The following NT5DC3 variants were observed in gnomAD, a reference collection of about 807,000 sequenced individuals.
The protein encoded by NT5DC3 is 5'-nucleotidase domain-containing protein 3.
A neutral mutation model predicts 67.8 loss-of-function variants in NT5DC3; 42 were observed. The observed-to-expected ratio is 0.62, with a 90% CI of 0.48 to 0.80. The LOEUF is 0.80. Among genes scored for constraint, NT5DC3 ranks in the 30% least tolerant of loss-of-function variants. The pLI is 0.00. For synonymous variants in NT5DC3, 237 were observed against 255.6 expected, an observed-to-expected ratio of 0.93 and a Z score of 0.69; for missense variants, 570 against 696.4, an observed-to-expected ratio of 0.82 and a Z score of 2.04.
At chr12:103,771,511 T>C (rs1198181507), downstream of NT5DC3, among the ~76,000 whole-genome samples, 2 of 151,702 alleles carry the variant, frequency 1.3e-5, no homozygotes, top group East Asian at 3.9e-4. Context: ...ATGCAGGGGG[T>C]CTAACATGCC....
At chr12:103,784,727 G>C (rs1593385502) in intron 12 of NT5DC3, among the ~76,000 whole-genome samples, 2 of 152,188 alleles carry the variant, frequency 1.3e-5, no homozygotes, top group East Asian at 3.9e-4. Flanking sequence ...AAGAGAGGCA[G>C]CTTCCATGGG....
At chr12:103,830,779 T>G (rs896106057) in intron 1 of NT5DC3, among the ~76,000 whole-genome samples, 1 of 152,212 alleles carries the variant, frequency 6.6e-6, no homozygotes, top group African/African-American at 2.4e-5. Flanking sequence ...ATTTTCCATT[T>G]CATCTCTTAT....
rs1256890384 is a variant in NT5DC3 at position 103,773,846 on chromosome 12, T to C, written c.*3983A>G. 5 of 152,676 alleles carry C rather than the reference T, an allele frequency of 3.3e-5. No homozygotes were observed. Among genetic ancestry groups the C allele is most frequent in the Non-Finnish European group, 7.3e-5 (5 of 68,048 alleles). The allele number at this position is 152,676 out of a possible 1,614,324, so 9.5% of individuals were successfully genotyped here. A position where few individuals can be genotyped will look rare whatever the true frequency, so the allele number is the denominator to read the frequency against. On this transcript the variant is annotated 3_prime_UTR_variant, in exon 14 of 14. Coordinates refer to ENST00000392876, the MANE Select transcript of NT5DC3 (RefSeq NM_001031701.3). The stretch of plus-strand genomic sequence containing the variant: ...TTAACTAGGACCACAAGACTACTTT[T>C]CAATTCTCCTTTGCAATAATTAAGA...
At chr12:103,750,551 T>G in the NT5DC3 span, 3 of 1,611,020 alleles carry the variant, frequency 1.9e-6, no homozygotes, top group Admixed American at 5.0e-5. Flanking sequence ...AAGGAACTTT[T>G]TCATCTCTTC....
downstream of NT5DC3, chr12:103,766,451 T>C (rs760890977): frequency 3.3e-6 from 4 of 1,207,836 alleles, no homozygotes; most frequent in Admixed American, 2.4e-5. Context: ...TCAGAAGCCA[T>C]ACCTCATCTC....
intron 2 of NT5DC3, among the ~76,000 whole-genome samples, chr12:103,812,187 A>G (rs1007596707): frequency 6.6e-6 from 1 of 152,200 alleles, no homozygotes; most frequent in African/African-American, 2.4e-5. Flanking sequence ...CTTTTTGGAG[A>G]GATACTAAAT....
At chr12:103,764,824 G>A in the NT5DC3 span, among the ~76,000 whole-genome samples, 2 of 152,232 alleles carry the variant, frequency 1.3e-5, no homozygotes, top group African/African-American at 4.8e-5. Flanking sequence ...CGGGCCGGGT[G>A]CAGTGGCTCA....
chr12:103,748,838 C>T, the NT5DC3 span: 2 of 971,446 alleles, frequency 2.1e-6, no homozygotes, highest in Non-Finnish European at 3.0e-6. Context: ...GAGAGAGAAG[C>T]ACGAACACGC....
In NT5DC3 at chr12:103,841,213, GC is replaced by G; in HGVS notation, c.-58del. On this transcript the variant is annotated 5_prime_UTR_variant, in exon 1 of 14. Coordinates refer to ENST00000392876, the MANE Select transcript of NT5DC3 (RefSeq NM_001031701.3). ...GCCGCTCTGCGACTGCTGCTGCCCG[GC>G]CCAAGATCTACCCGCGCTCTGCCCT... 1.8e-6 allele frequency: 1 copy of G among 543,196 alleles called. No homozygotes were observed. The highest frequency in any genetic ancestry group is 3.4e-5 in the Admixed American group (1 of 29,522). The allele number at this position is 543,196 out of a possible 1,614,324, so 33.6% of individuals were successfully genotyped here. A position where few individuals can be genotyped will look rare whatever the true frequency, so the allele number is the denominator to read the frequency against.
chr12:103,793,363 T>A (rs369807319), intron 8 of NT5DC3, 47 bp downstream of exon 8: 9 of 1,565,474 alleles, frequency 5.7e-6, no homozygotes, highest in Non-Finnish European at 7.9e-6. Flanking sequence ...ACAAATGGGA[T>A]ACAAGGAGTG....
chr12:103,793,140 T>A (rs1385906087), intron 9 of NT5DC3, 24 bp downstream of exon 9: 5 of 1,472,702 alleles, frequency 3.4e-6, no homozygotes, highest in Admixed American at 1.9e-5. Flanking sequence ...TAAAATCTAG[T>A]CCCCTAGAAA....
At chr12:103,794,883 T>C (rs1886245516) in intron 6 of NT5DC3, among the ~76,000 whole-genome samples, 1 of 152,190 alleles carries the variant, frequency 6.6e-6, no homozygotes, top group Admixed American at 6.5e-5. Flanking sequence ...GGCAGCATGA[T>C]AGCTGGCAGG....
At position 103,772,466 on chromosome 12, in the gene NT5DC3, G is replaced by A. The variant is rs368739757; in HGVS notation, c.*5363C>T. On this transcript the variant is annotated 3_prime_UTR_variant, in exon 14 of 14. Transcript: ENST00000392876. ...ATACAGGCACAATCTGTCATTCCAC[G>A]AGATAACTGGAAAAGTCTCCAAAGT... 1.3e-5 allele frequency: 2 copies of A among 152,426 alleles called. No homozygotes were observed. The highest frequency in any genetic ancestry group is 6.5e-5 in the Admixed American group (1 of 15,308). 9.4% of individuals were successfully genotyped at this position (152,426 alleles called of 1,614,324 possible).
intron 4 of NT5DC3, among the ~76,000 whole-genome samples, chr12:103,799,560 T>C (rs550249909): frequency 6.6e-6 from 1 of 152,284 alleles, no homozygotes; most frequent in Admixed American, 6.5e-5. Flanking sequence ...ATTAAGCCTC[T>C]TTTTCTTTAT....
chr12:103,806,357 ATCGATCT>A lies in NT5DC3; in HGVS notation c.482_488del (p.Lys161MetfsTer37). ...TTCCCAGCTGGATATAATGAAAAGCATCGATCTTCATTAATACTGCCTTTAAAAACAT... is the reference window on the plus strand; with the variant it reads ...TTCCCAGCTGGATATAATGAAAAGCATCATTAATACTGCCTTTAAAAACAT... On this transcript the variant is annotated frameshift_variant, in exon 4 of 14. Transcript: ENST00000392876. LOFTEE classifies it high-confidence loss of function. 1 of 1,603,036 alleles carries A rather than the reference ATCGATCT, an allele frequency of 6.2e-7. No individual in the cohort carries two copies. The highest frequency in any genetic ancestry group is 8.5e-7 in the Non-Finnish European group (1 of 1,169,958).
chr12:103,822,337 G>A (rs1887525281), intron 1 of NT5DC3, among the ~76,000 whole-genome samples: 2 of 152,048 alleles, frequency 1.3e-5, no homozygotes, highest in Non-Finnish European at 2.9e-5. Context: ...AAGACAAACA[G>A]CAATGGTCTA....
At chr12:103,780,720 C>T (rs1885514590) in intron 12 of NT5DC3, among the ~76,000 whole-genome samples, 1 of 152,166 alleles carries the variant, frequency 6.6e-6, no homozygotes, top group African/African-American at 2.4e-5. Flanking sequence ...ACATCCATTA[C>T]ACATATATTA....
At chr12:103,814,863 G>T in intron 2 of NT5DC3, 74 bp downstream of exon 2, 2 of 1,070,036 alleles carry the variant, frequency 1.9e-6, no homozygotes, top group South Asian at 2.4e-5. Flanking sequence ...TGGCAGACTT[G>T]GGGTCATGTC....
intron 12 of NT5DC3, among the ~76,000 whole-genome samples, chr12:103,783,125 G>A (rs1885628534): frequency 6.6e-6 from 1 of 152,226 alleles, no homozygotes; most frequent in Admixed American, 6.5e-5. Context: ...ATCCCCAAGG[G>A]GGAGTTCTAG....
Sources: gnomAD v4.1 joint callset for allele counts (sites outside exome capture counted in the v4.1 genomes callset) on GRCh38, gnomAD v4.1.1 for gene constraint, MANE v1.5 for transcripts, NCBI Gene and HGNC (gene_info 2026-07-23, HGNC 2026-07-21) for gene names.